JAML: variants seen among roughly 807,000 people sequenced by gnomAD.
The protein encoded by JAML is junctional adhesion molecule-like.
A neutral mutation model predicts 39.3 loss-of-function variants in JAML; 25 were observed. That is an observed-to-expected ratio of 0.64 (90% confidence interval 0.46 to 0.89). The LOEUF (loss-of-function observed/expected upper bound fraction) is 0.89, where lower values mean the gene tolerates loss of function less well. JAML is among the 40% of genes least tolerant of loss of function. The pLI is 0.00. For synonymous variants in JAML, 162 were observed against 179.2 expected (o/e 0.90, Z 0.77); for missense variants, 440 against 486.9 (o/e 0.90, Z 0.91).
chr11:118,206,286 T>C (rs1179855216), intron 4 of JAML, among the ~76,000 whole-genome samples: 1 of 152,192 alleles, frequency 6.6e-6, no homozygotes, highest in African/African-American at 2.4e-5. Context: ...TGTCTCCATA[T>C]CACCATAAAC....
intron 1 of JAML, among the ~76,000 whole-genome samples, chr11:118,219,108 C>A (rs1949180381): frequency 6.6e-6 from 1 of 151,946 alleles, no homozygotes; most frequent in Admixed American, 6.6e-5. Context: ...TAAAAATGGG[C>A]AAATGGTCTG....
At position 118,223,094 on chromosome 11, in the gene JAML, C is replaced by CAAAA. The variant is rs56175225; in HGVS notation, c.-21+1843_-21+1846dup. Among the ~76,000 whole-genome samples, 58 of 93,112 alleles carry CAAAA rather than the reference C, an allele frequency of 6.2e-4. 2 individuals are homozygous for CAAAA. Among genetic ancestry groups the CAAAA allele is most frequent in the African/African-American group, 2.3e-3 (56 of 24,360 alleles). 61.1% of individuals were successfully genotyped at this position (93,112 alleles called of 152,430 possible). ...TAGGTGACAGAGTGAGACTCTGTCTCAAAAAAAAAAAAAAAAAAAAAGAGT... is the reference window on the plus strand; with the variant it reads ...TAGGTGACAGAGTGAGACTCTGTCTCAAAAAAAAAAAAAAAAAAAAAAAAAGAGT... On this transcript the variant is annotated intron_variant, in intron 1 of 9. Coordinates refer to ENST00000356289, the MANE Select transcript of JAML (RefSeq NM_001098526.2).
chr11:118,208,475 G>A (rs968806845), intron 4 of JAML, among the ~76,000 whole-genome samples: 1 of 152,202 alleles, frequency 6.6e-6, no homozygotes, highest in African/African-American at 2.4e-5. Context: ...CTTACTCTGT[G>A]CCAGGGGCTA....
rs1333359311 is a variant in JAML at position 118,206,123 on chromosome 11, T to A, written c.425-132A>T. ...CGCTGTCACCACCAAACACTGTACGTATTCCCTCTGTACGAATTCCCTCTG... is the reference window on the plus strand; with the variant it reads ...CGCTGTCACCACCAAACACTGTACGAATTCCCTCTGTACGAATTCCCTCTG... On this transcript the variant is annotated intron_variant, in intron 4 of 9. Transcript: ENST00000356289. The A allele has an allele frequency of 1.4e-5, 10 of 721,222 alleles. No homozygotes were observed. In the East Asian group the frequency reaches 2.6e-4, roughly 19 times the overall value. 44.7% of individuals were successfully genotyped at this position (721,222 alleles called of 1,614,324 possible). A position where few individuals can be genotyped will look rare whatever the true frequency, so the allele number is the denominator to read the frequency against.
At chr11:118,202,761 C>T (rs558052393) in intron 6 of JAML, 1 of 365,236 alleles carries the variant, frequency 2.7e-6, no homozygotes, top group South Asian at 2.0e-5. Flanking sequence ...CACCCCCAGC[C>T]AACCACAGCC....
intron 6 of JAML, chr11:118,200,850 CTCTAGTAAAGTT>C (rs1948777990): frequency 2.4e-6 from 1 of 418,536 alleles, no homozygotes; most frequent in South Asian, 4.4e-5. Context: ...AGCAGTTCAC[CTCTAGTAAAGTT>C]TCCTTTCACA....
chr11:118,206,995 C>T (rs1233420922), intron 4 of JAML, among the ~76,000 whole-genome samples: 1 of 152,128 alleles, frequency 6.6e-6, no homozygotes, highest in East Asian at 1.9e-4. Flanking sequence ...AGTGCATAAG[C>T]CACCCTTTCA....
intron 2 of JAML, 24 bp downstream of exon 2, chr11:118,214,800 C>G (rs536182891): frequency 3.1e-6 from 5 of 1,611,582 alleles, no homozygotes; most frequent in East Asian, 2.2e-5. Context: ...AAATACCCCA[C>G]GGAGTCCCTT....
intron 8 of JAML, 75 bp downstream of exon 8, chr11:118,197,923 G>A (rs1046105896): frequency 7.4e-7 from 1 of 1,350,970 alleles, no homozygotes; most frequent in African/African-American, 1.4e-5. Context: ...CAATGGGTAA[G>A]ATATGGTTCC....
chr11:118,203,138 A>G, intron 6 of JAML: 1 of 562,624 alleles, frequency 1.8e-6, no homozygotes. Context: ...TTACATCAGT[A>G]GATGACCCTG....
At chr11:118,202,662 C>T in intron 6 of JAML, 1 of 289,572 alleles carries the variant, frequency 3.5e-6, no homozygotes, top group East Asian at 8.5e-5. Flanking sequence ...CTGCCGTGCT[C>T]CCCTCTCCAG....
intron 2 of JAML, among the ~76,000 whole-genome samples, chr11:118,213,997 G>A (rs1396599731): frequency 6.6e-6 from 1 of 152,166 alleles, no homozygotes; most frequent in Non-Finnish European, 1.5e-5. Context: ...CCTGGAATAG[G>A]AGCAAAGGCA....
intron 8 of JAML, 189 bp downstream of exon 8, chr11:118,197,809 C>A: frequency 7.1e-6 from 4 of 560,982 alleles, no homozygotes; most frequent in Non-Finnish European, 1.3e-5. Flanking sequence ...GGGGCTGTCC[C>A]AGCCGACCCC....
At chr11:118,196,886 G>A in intron 8 of JAML, 65 bp from the exon 9 acceptor site, 1 of 1,363,296 alleles carries the variant, frequency 7.3e-7, no homozygotes, top group African/African-American at 1.4e-5. Context: ...CAGAGAAAAG[G>A]CCACCCACTC....
chr11:118,213,970 G>A (rs568059245), intron 2 of JAML, among the ~76,000 whole-genome samples: 3 of 152,272 alleles, frequency 2.0e-5, no homozygotes, highest in South Asian at 2.1e-4. Context: ...GTGCATGTTT[G>A]TACACACTCT....
chr11:118,203,323 C>A, intron 6 of JAML, 105 bp downstream of exon 6: 1 of 1,010,980 alleles, frequency 9.9e-7, no homozygotes, highest in Non-Finnish European at 1.5e-6. Context: ...AGAGGGATGC[C>A]TCCTTCAATT....
chr11:118,217,149 G>A lies in JAML; in HGVS notation c.-20-2263C>T, dbSNP rs140256255. On this transcript the variant is annotated intron_variant, in intron 1 of 9. Transcript: ENST00000356289. Reference sequence around the variant, plus strand: ...CAGACTCTAAAAGGCAGCACCATACGTGCCTTATTTAGATGTGTGTCCTGT... The same window carrying A: ...CAGACTCTAAAAGGCAGCACCATACATGCCTTATTTAGATGTGTGTCCTGT... 1.5e-4 allele frequency among the ~76,000 whole-genome samples: 23 copies of A among 152,330 alleles called. No individual in the cohort carries two copies. The East Asian group carries it at 3.1e-3, about 20-fold the overall frequency.
chr11:118,200,662 G>T (rs373682700), intron 6 of JAML, 50 bp from the exon 7 acceptor site: 1 of 1,609,824 alleles, frequency 6.2e-7, no homozygotes, highest in East Asian at 2.2e-5. Flanking sequence ...TTAGCAAAGA[G>T]CTGAGAGCCC....
rs529783015 is a variant in JAML, at chr11:118,222,182, A to G, written c.-21+2759T>C. 1.6e-3 allele frequency among the ~76,000 whole-genome samples: 247 copies of G among 152,130 alleles called. No individual in the cohort carries two copies. The highest frequency in any genetic ancestry group is 2.7e-3 in the Admixed American group (42 of 15,294). ...TATAATCCTAGCACTTTGAGAGGCC[A>G]AGGTGGACAGATCGCTTGAGCCCAG... is the stretch of plus-strand genomic sequence containing the variant. On this transcript the variant is annotated intron_variant, in intron 1 of 9. Coordinates refer to ENST00000356289, the MANE Select transcript of JAML (RefSeq NM_001098526.2). This position sits in a 1 kb window ranked among gnomAD's most constrained non-coding sequence, Gnocchi z 4.2.
Sources: allele counts gnomAD v4.1 joint callset (sites outside exome capture counted in the v4.1 genomes callset), GRCh38; gene constraint gnomAD v4.1.1; non-coding constraint Gnocchi (gnomAD v3.1); transcripts MANE v1.5; gene names NCBI Gene and HGNC (gene_info 2026-07-23, HGNC 2026-07-21).